Variants in AK5 observed in about 807,000 individuals in gnomAD.
AK5 encodes adenylate kinase isoenzyme 5.
A neutral mutation model predicts 69.5 loss-of-function variants in AK5; 27 were observed. The ratio of observed to expected loss-of-function variants is 0.39; its 90% CI spans 0.29 to 0.54. AK5 has a LOEUF of 0.54. Ranked by LOEUF, AK5 falls within the 20% of genes least tolerant of loss-of-function variation. The probability of loss-of-function intolerance (pLI) is 0.71; values close to 1 mark genes in which losing one functional copy is unlikely to be tolerated. For synonymous variants in AK5, 260 were observed against 244.4 expected (o/e 1.06, Z -0.60); for missense variants, 531 against 700.4 (o/e 0.76, Z 2.73).
At position 77,517,836 on chromosome 1, in the gene AK5, A is replaced by T. The variant is rs887590838; in HGVS notation, c.1148-728A>T. 2.0e-5 allele frequency among the ~76,000 whole-genome samples: 3 copies of T among 152,256 alleles called. No individual in the cohort carries two copies. The East Asian group carries it at 5.8e-4, about 29-fold the overall frequency. The stretch of plus-strand genomic sequence containing the variant: ...AGGACATGGCAACTAAAGGCAATGT[A>T]TGATCCTGAACTTGACCCATTGACT... On this transcript the variant is annotated intron_variant, in intron 10 of 13. Transcript: ENST00000354567.
intron 6 of AK5, among the ~76,000 whole-genome samples, chr1:77,370,460 G>C (rs1647099126): frequency 6.6e-6 from 1 of 152,012 alleles, no homozygotes. Context: ...GGGGGACTTG[G>C]ATCACAATTT....
intron 13 of AK5, among the ~76,000 whole-genome samples, chr1:77,541,187 G>A (rs1441250946): frequency 2.0e-5 from 3 of 152,176 alleles, no homozygotes; most frequent in Non-Finnish European, 4.4e-5. Flanking sequence ...GATTACAGGC[G>A]TGAGCTACCA....
intron 2 of AK5, among the ~76,000 whole-genome samples, chr1:77,289,056 A>G (rs796988467): frequency 2.6e-5 from 4 of 152,318 alleles, no homozygotes; most frequent in Admixed American, 6.5e-5. Flanking sequence ...TTACCATACA[A>G]TCTATTCATA....
At chr1:77,457,887 G>A (rs996263637) in intron 8 of AK5, among the ~76,000 whole-genome samples, 2 of 151,916 alleles carry the variant, frequency 1.3e-5, no homozygotes, top group African/African-American at 2.4e-5. Flanking sequence ...CAAACTTAGT[G>A]ACTTAACACA....
At chr1:77,520,470 C>T (rs1024419568) in intron 11 of AK5, among the ~76,000 whole-genome samples, 6 of 152,206 alleles carry the variant, frequency 3.9e-5, no homozygotes, top group Non-Finnish European at 1.5e-5. Context: ...TGTTATTTCT[C>T]ACCACTCTCA....
At chr1:77,508,971 A>AAC (rs1293622037) in intron 10 of AK5, among the ~76,000 whole-genome samples, 3 of 152,176 alleles carry the variant, frequency 2.0e-5, no homozygotes, top group African/African-American at 7.2e-5. Flanking sequence ...AATACAATCT[A>AAC]ACACAGGAAG....
Position 77,318,898 on chromosome 1 carries a change from G to A in AK5, c.699+20951G>A, listed in dbSNP as rs1660382590. Among the ~76,000 whole-genome samples the A allele has an allele frequency of 2.0e-5, 3 of 152,138 alleles. No individual in the cohort carries two copies. The South Asian group carries it at 6.2e-4, about 32-fold the overall frequency. The stretch of plus-strand genomic sequence containing the variant: ...CTAATTATTAGTTCATCATATTGCT[G>A]TGTCAGGTTCCAGCAGGAAAGCAAT... On this transcript the variant is annotated intron_variant, in intron 5 of 13. Transcript: ENST00000354567.
At chr1:77,444,283 C>T (rs11162345) in intron 8 of AK5, among the ~76,000 whole-genome samples, 1,160 of 26,006 alleles carry the variant, frequency 0.045, 204 homozygotes, top group Middle Eastern at 0.12. Context: ...ATATACACAA[C>T]ATATGTGTAT....
intron 6 of AK5, among the ~76,000 whole-genome samples, chr1:77,385,198 C>T (rs894372123): frequency 2.0e-5 from 3 of 152,044 alleles, no homozygotes; most frequent in Admixed American, 6.6e-5. Context: ...CTCGCTCTGT[C>T]GCCCAGGCTG....
At chr1:77,350,679 T>C (rs535221479) in intron 6 of AK5, among the ~76,000 whole-genome samples, 2 of 152,286 alleles carry the variant, frequency 1.3e-5, no homozygotes, top group South Asian at 4.1e-4. Context: ...GGAAAAGTTC[T>C]CTAAGGGAAA....
chr1:77,474,622 G>A (rs918374660), intron 8 of AK5, among the ~76,000 whole-genome samples: 6 of 152,280 alleles, frequency 3.9e-5, no homozygotes, highest in African/African-American at 1.4e-4. Context: ...GAACTCAGAA[G>A]GAAGAGGACT....
intron 8 of AK5, among the ~76,000 whole-genome samples, chr1:77,453,886 C>G (rs781299996): frequency 6.6e-6 from 1 of 152,192 alleles, no homozygotes; most frequent in Non-Finnish European, 1.5e-5. Context: ...TTTTCTGAAT[C>G]AGTTTCATTC....
intron 6 of AK5, among the ~76,000 whole-genome samples, chr1:77,391,479 G>GTT (rs757479249): frequency 2.0e-5 from 1 of 49,790 alleles, no homozygotes; most frequent in Non-Finnish European, 3.4e-5. Context: ...ATATGTGTGT[G>GTT]TGTATGTGTG....
At chr1:77,543,230 C>T (rs776811391) in intron 13 of AK5, among the ~76,000 whole-genome samples, 23 of 152,268 alleles carry the variant, frequency 1.5e-4, no homozygotes, top group South Asian at 8.3e-4. Flanking sequence ...CACATTTCAC[C>T]GCTTGGTTGC....
rs150349655 is a variant in AK5 at position 77,409,055 on chromosome 1, C to T, written c.892-1926C>T. Among the ~76,000 whole-genome samples the T allele has an allele frequency of 3.3e-5, 5 of 152,308 alleles. No homozygotes were observed. In the East Asian group the frequency reaches 9.6e-4, roughly 29 times the overall value. ...TGCATTAGTTTTGTAAGGACAATGACCTCCAGTTCCATCTGTGTTCCCACA... is the reference window on the plus strand; with the variant it reads ...TGCATTAGTTTTGTAAGGACAATGATCTCCAGTTCCATCTGTGTTCCCACA... On this transcript the variant is annotated intron_variant, in intron 6 of 13. Coordinates refer to ENST00000354567, the MANE Select transcript of AK5 (RefSeq NM_174858.3).
intron 5 of AK5, among the ~76,000 whole-genome samples, chr1:77,336,186 A>G (rs1225252384): frequency 6.7e-6 from 1 of 149,516 alleles, no homozygotes; most frequent in Admixed American, 6.8e-5. Context: ...GGTTCAAGTG[A>G]TTCTCCTGCC....
intron 13 of AK5, among the ~76,000 whole-genome samples, chr1:77,554,749 G>A (rs1192904135): frequency 6.6e-6 from 1 of 150,502 alleles, no homozygotes; most frequent in Admixed American, 6.6e-5. Context: ...GGGACTACAG[G>A]CGCCCGCCAC....
At position 77,297,544 on chromosome 1, in the gene AK5, T is replaced by C. The variant is rs954827290; in HGVS notation, c.416-15T>C. ...TGTATCAGAAGATCACAGTTTTGCC[T>C]GTTTTAAATACTAGGTGGTCCAGGA... On this transcript the variant is annotated splice_polypyrimidine_tract_variant and intron_variant, in intron 3 of 13. Coordinates refer to ENST00000354567, the MANE Select transcript of AK5 (RefSeq NM_174858.3). 3.2e-6 allele frequency: 5 copies of C among 1,577,210 alleles called. No individual in the cohort carries two copies. Among genetic ancestry groups the C allele is most frequent in the Middle Eastern group, 1.7e-4 (1 of 5,858 alleles).
chr1:77,554,751 G>A (rs766108156), intron 13 of AK5, among the ~76,000 whole-genome samples: 49 of 147,946 alleles, frequency 3.3e-4, no homozygotes, highest in East Asian at 8.1e-4. Context: ...GACTACAGGC[G>A]CCCGCCACCA....
Sources: allele counts gnomAD v4.1 joint callset (sites outside exome capture counted in the v4.1 genomes callset), GRCh38; gene constraint gnomAD v4.1.1; transcripts MANE v1.5; gene names NCBI Gene and HGNC (gene_info 2026-07-23, HGNC 2026-07-21).